Variants in LMX1A observed in about 807,000 individuals in gnomAD.
LMX1A encodes the protein LIM homeobox transcription factor 1 alpha.
In LMX1A, 15 loss-of-function variants were observed where a neutral mutation model predicts 49.1. That is an observed-to-expected ratio of 0.31 (90% confidence interval 0.20 to 0.47). LMX1A has a LOEUF of 0.47. LMX1A is among the 20% of genes least tolerant of loss of function. The pLI is 1.00. For synonymous variants in LMX1A, 167 were observed against 185.7 expected, an observed-to-expected ratio of 0.90 and a Z score of 0.82; for missense variants, 372 against 475.8, an observed-to-expected ratio of 0.78 and a Z score of 2.03.
chr1:165,310,126 C>A (rs1655034244), intron 3 of LMX1A, among the ~76,000 whole-genome samples: 1 of 152,198 alleles, frequency 6.6e-6, no homozygotes, highest in African/African-American at 2.4e-5. Context: ...TCTTGTCCAC[C>A]ACAGTGGCTT....
intron 3 of LMX1A, among the ~76,000 whole-genome samples, chr1:165,282,451 G>A (rs924584839): frequency 3.9e-5 from 6 of 152,110 alleles, no homozygotes; most frequent in Non-Finnish European, 8.8e-5. Flanking sequence ...CATAAATGCT[G>A]TGTCAATCAT....
chr1:165,250,925 G>T (rs1010981817), intron 3 of LMX1A, among the ~76,000 whole-genome samples: 10 of 152,152 alleles, frequency 6.6e-5, no homozygotes, highest in Admixed American at 3.3e-4. Flanking sequence ...GTGAAGGCCT[G>T]GAGCCACGAA....
chr1:165,213,949 G>A (rs1436281445), intron 4 of LMX1A, 136 bp from the exon 5 acceptor site: 3 of 725,532 alleles, frequency 4.1e-6, no homozygotes, highest in Non-Finnish European at 6.8e-6. Context: ...ATGTGGTATT[G>A]CTTTGAAAGC....
chr1:165,347,878 C>A (rs1483101464), intron 3 of LMX1A, among the ~76,000 whole-genome samples: 3 of 152,150 alleles, frequency 2.0e-5, no homozygotes, highest in Admixed American at 6.5e-5. Context: ...CAAATAATTT[C>A]TTTGACCATA....
intron 3 of LMX1A, among the ~76,000 whole-genome samples, chr1:165,314,568 T>C (rs1655165900): frequency 6.6e-6 from 1 of 152,178 alleles, no homozygotes; most frequent in African/African-American, 2.4e-5. Context: ...TTTCTTCTAG[T>C]TTTTTCTCTA....
chr1:165,252,443 A>G (rs534535928), intron 3 of LMX1A, among the ~76,000 whole-genome samples: 89 of 152,362 alleles, frequency 5.8e-4, no homozygotes, highest in African/African-American at 1.8e-3. Context: ...TGATGATACC[A>G]TAATTGCATT....
At chr1:165,313,746 A>T (rs1290157117) in intron 3 of LMX1A, among the ~76,000 whole-genome samples, 1 of 152,144 alleles carries the variant, frequency 6.6e-6, no homozygotes, top group Non-Finnish European at 1.5e-5. Flanking sequence ...TCAAACCAAG[A>T]GAGGCCAGAG....
intron 6 of LMX1A, among the ~76,000 whole-genome samples, chr1:165,208,970 A>C (rs1209323567): frequency 6.6e-6 from 1 of 152,246 alleles, no homozygotes; most frequent in African/African-American, 2.4e-5. Flanking sequence ...TTTTAACTCA[A>C]TATTTCTCAA....
intron 3 of LMX1A, among the ~76,000 whole-genome samples, chr1:165,349,367 A>G (rs1022348558): frequency 1.4e-4 from 22 of 152,244 alleles, no homozygotes; most frequent in Admixed American, 9.8e-4. Flanking sequence ...GAAGTCCCCT[A>G]GGCTGGAAAA....
Position 165,223,084 on chromosome 1 carries a change from C to T in LMX1A, c.497-9271G>A, listed in dbSNP as rs185822098. Among the ~76,000 whole-genome samples the T allele has an allele frequency of 5.0e-3, 759 of 151,738 alleles. 6 individuals carry two copies. Among genetic ancestry groups the T allele is most frequent in the African/African-American group, 0.018 (731 of 41,344 alleles). On this transcript the variant is annotated intron_variant, in intron 4 of 8. Transcript: ENST00000342310. The stretch of plus-strand genomic sequence containing the variant: ...ATTGACTGTGATGGTTGTACAACTC[C>T]GAATACACTAAACACTATTAAATTA...
chr1:165,307,437 G>T (rs1311368889), intron 3 of LMX1A, among the ~76,000 whole-genome samples: 2 of 152,194 alleles, frequency 1.3e-5, no homozygotes, highest in African/African-American at 4.8e-5. Flanking sequence ...AAAATGAGCT[G>T]GTTTGAGTAA....
intron 3 of LMX1A, among the ~76,000 whole-genome samples, chr1:165,280,668 G>A (rs963003556): frequency 1.3e-5 from 2 of 152,130 alleles, no homozygotes; most frequent in Non-Finnish European, 2.9e-5. Context: ...TAAACTAGTA[G>A]GCATGCATTT....
chr1:165,306,968 A>C (rs965944193), intron 3 of LMX1A, among the ~76,000 whole-genome samples: 1 of 152,228 alleles, frequency 6.6e-6, no homozygotes, highest in African/African-American at 2.4e-5. Context: ...TGCTGGCAGC[A>C]ACTCTCCCCA....
intron 3 of LMX1A, among the ~76,000 whole-genome samples, chr1:165,267,829 G>C (rs1653674629): frequency 6.6e-6 from 1 of 152,182 alleles, no homozygotes; most frequent in Non-Finnish European, 1.5e-5. Context: ...GGGGAGGTCA[G>C]TGAGGAAGAC....
rs182176295 is a variant in LMX1A at position 165,261,127 on chromosome 1, T to C, written c.264-11487A>G. 2.6e-3 allele frequency among the ~76,000 whole-genome samples: 391 copies of C among 152,316 alleles called. 1 individual carries two copies. Among genetic ancestry groups the C allele is most frequent in the African/African-American group, 8.7e-3 (362 of 41,568 alleles). The stretch of plus-strand genomic sequence containing the variant: ...TCCTGAATCCCCAAAGCAGCCTCTT[T>C]ATCACAGAACTATGTTGCCTTCCTT... On this transcript the variant is annotated intron_variant, in intron 3 of 8. Coordinates refer to ENST00000342310, the MANE Select transcript of LMX1A (RefSeq NM_177398.4).
At chr1:165,242,852 C>G (rs896072350) in intron 4 of LMX1A, among the ~76,000 whole-genome samples, 1 of 149,682 alleles carries the variant, frequency 6.7e-6, no homozygotes, top group Non-Finnish European at 1.5e-5. Context: ...ATGGCGTGAA[C>G]CCGGCAGGTG....
At chr1:165,300,955 G>A (rs939034325) in intron 3 of LMX1A, among the ~76,000 whole-genome samples, 2 of 152,142 alleles carry the variant, frequency 1.3e-5, no homozygotes, top group Admixed American at 1.3e-4. Flanking sequence ...GGATCTGAGG[G>A]CCAGGAGTTT....
At chr1:165,235,039 T>G (rs1231978129) in intron 4 of LMX1A, among the ~76,000 whole-genome samples, 2 of 152,156 alleles carry the variant, frequency 1.3e-5, no homozygotes, top group African/African-American at 2.4e-5. Flanking sequence ...TCCTAAAGAA[T>G]GCCAGGAGGT....
At chr1:165,211,715 A>C (rs149801495) in intron 5 of LMX1A, among the ~76,000 whole-genome samples, 1 of 152,222 alleles carries the variant, frequency 6.6e-6, no homozygotes, top group East Asian at 1.9e-4. Context: ...CTAAAATAGG[A>C]GTGTACTCAG....
Sources: gnomAD v4.1 joint callset for allele counts (sites outside exome capture counted in the v4.1 genomes callset) on GRCh38, gnomAD v4.1.1 for gene constraint, MANE v1.5 for transcripts, NCBI Gene and HGNC (gene_info 2026-07-23, HGNC 2026-07-21) for gene names.